The following TENT4A variants were observed in gnomAD, a reference collection of about 807,000 sequenced individuals.
TENT4A encodes terminal nucleotidyltransferase 4A.
In TENT4A, 7 loss-of-function variants were observed where a neutral mutation model predicts 72.8. The ratio of observed to expected loss-of-function variants is 0.10; its 90% CI spans 0.05 to 0.18. The LOEUF (loss-of-function observed/expected upper bound fraction) is 0.18, where lower values mean the gene tolerates loss of function less well. TENT4A is among the 10% of genes least tolerant of loss of function. The pLI, the probability that TENT4A is intolerant of heterozygous loss-of-function variation, is 1.00. For synonymous variants in TENT4A, 456 were observed against 434.3 expected, an observed-to-expected ratio of 1.05 and a Z score of -0.62; for missense variants, 831 against 1,017.7, an observed-to-expected ratio of 0.82 and a Z score of 2.50.
chr5:6,740,632 C>A (rs975689541), intron 4 of TENT4A, among the ~76,000 whole-genome samples: 1 of 152,066 alleles, frequency 6.6e-6, no homozygotes, highest in African/African-American at 2.4e-5. Flanking sequence ...AGGCTGGGGG[C>A]AAGTTTTAAA....
chr5:6,743,644 T>C, intron 5 of TENT4A, 68 bp from the exon 6 acceptor site: 1 of 1,253,564 alleles, frequency 8.0e-7, no homozygotes, highest in African/African-American at 1.5e-5. Context: ...CTTGTGTGAT[T>C]TGCTATGTGA....
At chr5:6,722,279 C>T (rs906108087) in intron 1 of TENT4A, among the ~76,000 whole-genome samples, 3 of 152,180 alleles carry the variant, frequency 2.0e-5, no homozygotes, top group Non-Finnish European at 4.4e-5. Context: ...AAAAGGCCAC[C>T]GCTGCCCTTT....
rs930822794 is a variant in TENT4A, at chr5:6,738,802, A to G, written c.887+73A>G. On this transcript the variant is annotated intron_variant, in intron 3 of 12. Transcript: ENST00000230859. ...GTCTATGCAATATTAAGGGCTACAA[A>G]TAGATTCTTTGTAATTGAGTCTAAG... The G allele has an allele frequency of 3.8e-5, 42 of 1,101,812 alleles. 1 individual carries two copies. In the African/African-American group the frequency reaches 4.5e-4, roughly 12 times the overall value. 68.3% of individuals were successfully genotyped at this position (1,101,812 alleles called of 1,614,324 possible). A position where few individuals can be genotyped will look rare whatever the true frequency, so the allele number is the denominator to read the frequency against.
rs375220718 is a variant in TENT4A at position 6,739,859 on chromosome 5, G to T, written c.1008+7G>T. 7 of 1,612,734 alleles carry T rather than the reference G, an allele frequency of 4.3e-6. No individual in the cohort carries two copies. In the African/African-American group the frequency reaches 8.0e-5, roughly 18 times the overall value. ...AGTCCTTGACAAGGCTACGGTGAGT[G>T]CCTGGCTTTGGCCCCTCTGACCGGG... On this transcript the variant is annotated splice_region_variant and intron_variant, in intron 4 of 12. Coordinates refer to ENST00000230859, the MANE Select transcript of TENT4A (RefSeq NM_006999.6).
chr5:6,743,107 G>A lies in TENT4A; in HGVS notation c.1116+510G>A, dbSNP rs571783379. 1.1e-3 allele frequency among the ~76,000 whole-genome samples: 172 copies of A among 152,256 alleles called. 1 individual carries two copies. Among genetic ancestry groups the A allele is most frequent in the Non-Finnish European group, 2.1e-3 (140 of 68,026 alleles). ...CCTTAGCAGGGGCAGACGCACCTCC[G>A]GGTGGTCGTGACCTCCTGTTGCAGT... is the stretch of plus-strand genomic sequence containing the variant. On this transcript the variant is annotated intron_variant, in intron 5 of 12. Coordinates refer to ENST00000230859, the MANE Select transcript of TENT4A (RefSeq NM_006999.6).
At chr5:6,720,627 G>C (rs993166177) in intron 1 of TENT4A, among the ~76,000 whole-genome samples, 34 of 151,796 alleles carry the variant, frequency 2.2e-4, no homozygotes, top group Middle Eastern at 3.2e-3. Flanking sequence ...AGTGAGCCGA[G>C]ATCGCACCAC....
intron 1 of TENT4A, among the ~76,000 whole-genome samples, chr5:6,723,636 T>G (rs1740768013): frequency 6.6e-6 from 1 of 152,240 alleles, no homozygotes; most frequent in Non-Finnish European, 1.5e-5. Flanking sequence ...ATGCGGGGGA[T>G]GGAACCTAGC....
rs1357288999 is a variant in TENT4A, at chr5:6,713,651, GCCGCCGCCGCGGCCCCCGCGC to G, written c.-327_-307del. ...CTCCCCGCGGCCCGAGTGGAACGCC[GCCGCCGCCGCGGCCCCCGCGC>G]CCGCCCCGCGCCGCGTGAAGCGGGA... On this transcript the variant is annotated 5_prime_UTR_variant, in exon 1 of 13. Transcript: ENST00000230859. The G allele has an allele frequency of 6.9e-6, 1 of 145,886 alleles. No individual in the cohort carries two copies. Among genetic ancestry groups the G allele is most frequent in the East Asian group, 2.0e-4 (1 of 4,972 alleles). 9.0% of individuals were successfully genotyped at this position (145,886 alleles called of 1,614,324 possible). A position where few individuals can be genotyped will look rare whatever the true frequency, so the allele number is the denominator to read the frequency against.
intron 2 of TENT4A, 40 bp downstream of exon 2, chr5:6,737,673 G>A: frequency 6.3e-7 from 1 of 1,598,326 alleles, no homozygotes; most frequent in South Asian, 1.1e-5. Flanking sequence ...CACGTCACGT[G>A]CGAGTAAATT....
chr5:6,727,626 G>A (rs1160872661), intron 1 of TENT4A, among the ~76,000 whole-genome samples: 3 of 152,130 alleles, frequency 2.0e-5, no homozygotes, highest in African/African-American at 4.8e-5. Context: ...CTGGCTGCTC[G>A]TTACCTTTCC....
chr5:6,745,128 G>T (rs1474627297), intron 6 of TENT4A, among the ~76,000 whole-genome samples: 3 of 152,210 alleles, frequency 2.0e-5, no homozygotes, highest in Admixed American at 6.5e-5. Context: ...AGGGGAGGAG[G>T]CCCACCCTGG....
At position 6,745,997 on chromosome 5, in the gene TENT4A, A is replaced by C. The variant is rs142626348; in HGVS notation, c.1246-217A>C. 60 of 1,379,562 alleles carry C rather than the reference A, an allele frequency of 4.3e-5. No individual in the cohort carries two copies. In the Middle Eastern group the frequency reaches 8.1e-4, roughly 19 times the overall value. 85.5% of individuals were successfully genotyped at this position (1,379,562 alleles called of 1,614,324 possible). ...TATGGATTACCAATTTCAAAAATCA[A>C]ACTACACTAAAATTCAGATGAGTCC... On this transcript the variant is annotated intron_variant, in intron 6 of 12. Transcript: ENST00000230859.
chr5:6,733,627 ATG>A (rs1273356533), intron 1 of TENT4A, among the ~76,000 whole-genome samples: 1 of 152,228 alleles, frequency 6.6e-6, no homozygotes, highest in Non-Finnish European at 1.5e-5. Context: ...GAGGTTTGGT[ATG>A]TGAGAACATA....
intron 7 of TENT4A, among the ~76,000 whole-genome samples, chr5:6,747,211 G>A (rs1742152652): frequency 6.6e-6 from 1 of 152,164 alleles, no homozygotes; most frequent in African/African-American, 2.4e-5. Context: ...GCGGACGGGT[G>A]ACAGAACAGG....
At chr5:6,750,548 T>G (rs775382385) in intron 10 of TENT4A, 45 bp downstream of exon 10, 1 of 1,487,504 alleles carries the variant, frequency 6.7e-7, no homozygotes, top group Non-Finnish European at 9.0e-7. Flanking sequence ...ACAGTTTGTG[T>G]CTCTGGTAAA....
intron 6 of TENT4A, among the ~76,000 whole-genome samples, chr5:6,745,245 T>C (rs990502652): frequency 6.6e-6 from 1 of 152,230 alleles, no homozygotes. Context: ...GGTGGAAATA[T>C]GCAGAGAACT....
rs1466073683 is a variant in TENT4A, at chr5:6,746,224, G to T, written c.1256G>T (p.Arg419Ile). 1 of 1,614,044 alleles carries T rather than the reference G, an allele frequency of 6.2e-7. No homozygotes were observed. Among genetic ancestry groups the T allele is most frequent in the Non-Finnish European group, 8.5e-7 (1 of 1,180,002 alleles). The change falls in exon 7 of 13, where the codon AGA becomes ATA. Residue 419 changes from arginine to isoleucine, a missense_variant. Coordinates refer to ENST00000230859, the MANE Select transcript of TENT4A (RefSeq NM_006999.6). The stretch of plus-strand genomic sequence containing the variant: ...GCATTGCTTTTACAGTTGCATCCAA[G>T]AATTGATGCCCGGAGAGCTGATGAA... ...MAISFLQLHP[R>I]IDARRADENL...
chr5:6,720,678 A>G (rs1740603202), intron 1 of TENT4A, among the ~76,000 whole-genome samples: 1 of 45,118 alleles, frequency 2.2e-5, no homozygotes. Context: ...CTGTCTCAAA[A>G]TAAATAAATA....
At position 6,744,876 on chromosome 5, in the gene TENT4A, TGTA is replaced by T. The variant is rs1742003494; in HGVS notation, c.1245+1040_1245+1042del. ...CTGACTTGCACTATTTTCATGGCCT[TGTA>T]GTAACAACAGCTACTTAATACTTTG... On this transcript the variant is annotated intron_variant, in intron 6 of 12. Coordinates refer to ENST00000230859, the MANE Select transcript of TENT4A (RefSeq NM_006999.6). Among the ~76,000 whole-genome samples, 7 of 152,362 alleles carry T rather than the reference TGTA, an allele frequency of 4.6e-5. No homozygotes were observed. In the South Asian group the frequency reaches 1.4e-3, roughly 32 times the overall value.
Sources: allele counts gnomAD v4.1 joint callset (sites outside exome capture counted in the v4.1 genomes callset), GRCh38; gene constraint gnomAD v4.1.1; transcripts MANE v1.5; gene names NCBI Gene and HGNC (gene_info 2026-07-23, HGNC 2026-07-21).